The following DNAJC6 variants were observed in gnomAD, a reference collection of about 807,000 sequenced individuals.
DNAJC6 encodes DnaJ heat shock protein family (Hsp40) member C6.
In DNAJC6, 34 loss-of-function variants were observed where a neutral mutation model predicts 110.0. That is an observed-to-expected ratio of 0.31 (90% CI 0.24 to 0.41). The LOEUF is 0.41. DNAJC6 is among the 10% of genes least tolerant of loss of function. The pLI is 1.00. For synonymous variants in DNAJC6, 406 were observed against 437.2 expected (o/e 0.93, Z 0.89); for missense variants, 1,031 against 1,207.8 (o/e 0.85, Z 2.17).
intron 2 of DNAJC6, among the ~76,000 whole-genome samples, chr1:65,365,181 A>C (rs561559459): frequency 1.3e-5 from 2 of 152,144 alleles, no homozygotes; most frequent in Non-Finnish European, 2.9e-5. Context: ...ATATACATGC[A>C]ATCTGAATAA....
intron 1 of DNAJC6, among the ~76,000 whole-genome samples, chr1:65,265,984 C>T (rs1484470726): frequency 6.6e-6 from 1 of 152,242 alleles, no homozygotes; most frequent in African/African-American, 2.4e-5. Flanking sequence ...TTCGAGTGCG[C>T]TGTGTTTTAA....
chr1:65,378,917 AG>A (rs1283223525), intron 4 of DNAJC6, among the ~76,000 whole-genome samples: 1 of 152,212 alleles, frequency 6.6e-6, no homozygotes, highest in Non-Finnish European at 1.5e-5. Context: ...TTCCCCTGTA[AG>A]TTGTGTCCTT....
Position 65,393,384 on chromosome 1 carries a change from G to A in DNAJC6, c.1903+519G>A, listed in dbSNP as rs560732185. On this transcript the variant is annotated intron_variant, in intron 12 of 18. Coordinates refer to ENST00000371069, the MANE Select transcript of DNAJC6 (RefSeq NM_001256864.2). Reference sequence around the variant, plus strand: ...TGATAAGGCCAGTGTCCAAACCTAGGTTATTTGACTCTAGGGCTTTCCCTC... The same window carrying A: ...TGATAAGGCCAGTGTCCAAACCTAGATTATTTGACTCTAGGGCTTTCCCTC... 3.3e-5 allele frequency among the ~76,000 whole-genome samples: 5 copies of A among 152,302 alleles called. 1 individual carries two copies. The South Asian group carries it at 1.0e-3, about 32-fold the overall frequency.
intron 1 of DNAJC6, among the ~76,000 whole-genome samples, chr1:65,320,712 A>G (rs554143478): frequency 5.3e-5 from 8 of 152,314 alleles, no homozygotes; most frequent in African/African-American, 1.4e-4. Context: ...GTTTGATTAT[A>G]GTGCATGAGC....
intron 1 of DNAJC6, among the ~76,000 whole-genome samples, chr1:65,297,566 T>C (rs1333553615): frequency 1.3e-5 from 2 of 152,196 alleles, no homozygotes; most frequent in East Asian, 3.8e-4. Flanking sequence ...AGATCTGACT[T>C]AATGACTCCA....
intron 1 of DNAJC6, among the ~76,000 whole-genome samples, chr1:65,346,585 C>T (rs766342447): frequency 6.6e-6 from 1 of 152,022 alleles, no homozygotes; most frequent in Admixed American, 6.6e-5. Flanking sequence ...ATAGTTGGTG[C>T]CTTAGGAAAA....
chr1:65,266,746 A>G, intron 1 of DNAJC6, among the ~76,000 whole-genome samples: 1 of 152,168 alleles, frequency 6.6e-6, no homozygotes, highest in East Asian at 1.9e-4. Context: ...GACATGATTT[A>G]GAAAAAAAAT....
At chr1:65,304,674 T>C (rs1438323414), upstream of DNAJC6, among the ~76,000 whole-genome samples, 3 of 152,218 alleles carry the variant, frequency 2.0e-5, no homozygotes. Context: ...TTTTGCTTTC[T>C]TCTGGACTGT....
At chr1:65,368,396 C>T (rs1645669434) in intron 4 of DNAJC6, among the ~76,000 whole-genome samples, 1 of 152,046 alleles carries the variant, frequency 6.6e-6, no homozygotes, top group South Asian at 2.1e-4. Flanking sequence ...TAGGCATGTG[C>T]TCATGTGCAC....
chr1:65,392,639 G>C lies in DNAJC6; in HGVS notation c.1677G>C (p.Leu559=). 1 of 1,613,662 alleles carries C rather than the reference G, an allele frequency of 6.2e-7. No homozygotes were observed. Among genetic ancestry groups the C allele is most frequent in the Non-Finnish European group, 8.5e-7 (1 of 1,179,798 alleles). Residue 559 remains leucine, a synonymous_variant, in exon 12 of 19, where the codon CTG becomes CTC. Transcript: ENST00000371069. ...CTGAGGATGTGGACCTTTTGGGCCT[G>C]GAAGGGTCTGCAATGAGTAACAGCT... ...PPPEDVDLLG[L]EGSAMSNSFS... is the part of the protein sequence containing the mutation.
chr1:65,350,076 A>G (rs139054307), intron 1 of DNAJC6, among the ~76,000 whole-genome samples: 54 of 152,234 alleles, frequency 3.5e-4, no homozygotes, highest in East Asian at 3.5e-3. Context: ...TTGCATTTTG[A>G]GTTGAATTTT....
At chr1:65,272,685 T>C (rs1199958062) in intron 1 of DNAJC6, among the ~76,000 whole-genome samples, 5 of 68,022 alleles carry the variant, frequency 7.4e-5, no homozygotes, top group Non-Finnish European at 1.1e-4. Context: ...TTTTAAAATA[T>C]GTTTTTTTGT....
intron 1 of DNAJC6, among the ~76,000 whole-genome samples, chr1:65,332,850 G>A (rs945167915): frequency 5.3e-5 from 8 of 152,084 alleles, no homozygotes; most frequent in Non-Finnish European, 8.8e-5. Context: ...TCCTCTTAAC[G>A]TACATTCAAA....
chr1:65,355,177 C>T (rs935148871), intron 1 of DNAJC6, among the ~76,000 whole-genome samples: 6 of 147,894 alleles, frequency 4.1e-5, no homozygotes, highest in Admixed American at 6.9e-5. Flanking sequence ...TTGGGAGGAT[C>T]GCTTGAGCCT....
At chr1:65,401,682 C>G (rs971820047) in intron 14 of DNAJC6, 79 bp from the exon 15 acceptor site, 29 of 1,553,502 alleles carry the variant, frequency 1.9e-5, no homozygotes, top group Non-Finnish European at 2.3e-5. Context: ...GACAAATAAA[C>G]AGTAACTCTG....
chr1:65,267,689 G>GAGAGAA (rs139365937), intron 1 of DNAJC6, among the ~76,000 whole-genome samples: 122 of 152,238 alleles, frequency 8.0e-4, no homozygotes, highest in African/African-American at 2.6e-3. Flanking sequence ...GACAGAGAGA[G>GAGAGAA]AGAGAAAGAG....
intron 1 of DNAJC6, among the ~76,000 whole-genome samples, chr1:65,314,024 A>G (rs1645126423): frequency 1.3e-5 from 2 of 152,224 alleles, no homozygotes; most frequent in African/African-American, 4.8e-5. Context: ...TACCAAGTTC[A>G]TAATGACAAA....
At chr1:65,371,512 TTGAC>T (rs749289789) in intron 4 of DNAJC6, among the ~76,000 whole-genome samples, 6 of 152,188 alleles carry the variant, frequency 3.9e-5, no homozygotes, top group Non-Finnish European at 8.8e-5. Flanking sequence ...CAATAAGTGA[TTGAC>T]TGAATTATCC....
intron 8 of DNAJC6, among the ~76,000 whole-genome samples, chr1:65,387,198 G>A (rs1050050504): frequency 4.6e-5 from 7 of 152,208 alleles, no homozygotes; most frequent in African/African-American, 1.2e-4. Context: ...CTCTTTAGAA[G>A]CCTGTGCTTT....
Sources: gnomAD v4.1 joint callset for allele counts (sites outside exome capture counted in the v4.1 genomes callset) on GRCh38, gnomAD v4.1.1 for gene constraint, MANE v1.5 for transcripts, NCBI Gene and HGNC (gene_info 2026-07-23, HGNC 2026-07-21) for gene names.